The following KCNB2 variants were observed in gnomAD, a reference collection of about 807,000 sequenced individuals.
The protein encoded by KCNB2 is potassium voltage-gated channel subfamily B member 2.
Under a neutral mutation model 61.5 loss-of-function variants are expected in KCNB2, and 15 were observed. That is an observed-to-expected ratio of 0.24 (90% CI 0.16 to 0.38). The LOEUF (loss-of-function observed/expected upper bound fraction) is 0.38, where lower values mean the gene tolerates loss of function less well. Among genes scored for constraint, KCNB2 ranks in the 10% least tolerant of loss-of-function variants. The pLI, the probability that KCNB2 is intolerant of heterozygous loss-of-function variation, is 1.00. For synonymous variants in KCNB2, 457 were observed against 446.0 expected (o/e 1.02, Z -0.31); for missense variants, 828 against 1,125.2 (o/e 0.74, Z 3.78).
At chr8:72,875,387 G>C (rs1489915342) in intron 2 of KCNB2, among the ~76,000 whole-genome samples, 1 of 152,080 alleles carries the variant, frequency 6.6e-6, no homozygotes. Flanking sequence ...ACAAACACAG[G>C]ATCAGAATCT....
At chr8:72,762,882 A>AATATATATATATATATAT (rs10551590) in intron 2 of KCNB2, among the ~76,000 whole-genome samples, 45 of 141,604 alleles carry the variant, frequency 3.2e-4, no homozygotes, top group African/African-American at 1.0e-3. Flanking sequence ...CATATTAACA[A>AATATATATATATATATAT]ATATATATAT....
chr8:72,928,973 T>G (rs1322694735), intron 2 of KCNB2, among the ~76,000 whole-genome samples: 1 of 152,120 alleles, frequency 6.6e-6, no homozygotes, highest in Non-Finnish European at 1.5e-5. Context: ...CAATGCTGGC[T>G]AAAGGCATTT....
chr8:72,634,783 G>A (rs1805938682), intron 2 of KCNB2, among the ~76,000 whole-genome samples: 1 of 152,264 alleles, frequency 6.6e-6, no homozygotes, highest in East Asian at 1.9e-4. Flanking sequence ...GACAAGATTA[G>A]CATAAGAAGA....
At chr8:72,725,591 GTATATATATATATATA>G (rs60157669) in intron 2 of KCNB2, among the ~76,000 whole-genome samples, 17 of 51,952 alleles carry the variant, frequency 3.3e-4, no homozygotes, top group Admixed American at 6.7e-4. Flanking sequence ...ATATATGTAT[GTATATATATATATATA>G]TATATATATA....
intron 2 of KCNB2, among the ~76,000 whole-genome samples, chr8:72,860,285 A>G (rs1451428216): frequency 6.6e-6 from 1 of 151,976 alleles, no homozygotes; most frequent in African/African-American, 2.4e-5. Flanking sequence ...CCATCATTTT[A>G]CATTCCTACC....
At chr8:72,744,258 T>A (rs1161432824) in intron 2 of KCNB2, among the ~76,000 whole-genome samples, 1 of 152,144 alleles carries the variant, frequency 6.6e-6, no homozygotes, top group Non-Finnish European at 1.5e-5. Context: ...TTCATATGTG[T>A]ATGTGACTCA....
chr8:72,863,847 A>C (rs1033608292), intron 2 of KCNB2, among the ~76,000 whole-genome samples: 2 of 151,466 alleles, frequency 1.3e-5, no homozygotes, highest in Non-Finnish European at 3.0e-5. Flanking sequence ...TCGTCTCTAC[A>C]AAAAAAAATA....
At chr8:72,862,292 T>G (rs1805432340) in intron 2 of KCNB2, among the ~76,000 whole-genome samples, 1 of 152,222 alleles carries the variant, frequency 6.6e-6, no homozygotes, top group African/African-American at 2.4e-5. Context: ...TTTAATCTTT[T>G]TAATTAGTTA....
intron 2 of KCNB2, among the ~76,000 whole-genome samples, chr8:72,739,428 T>C (rs1281962027): frequency 6.6e-6 from 1 of 151,988 alleles, no homozygotes; most frequent in Non-Finnish European, 1.5e-5. Context: ...ATTGCTGGCA[T>C]AGGGTTAAAG....
chr8:72,623,189 G>C (rs1037801292), intron 2 of KCNB2, among the ~76,000 whole-genome samples: 1 of 152,198 alleles, frequency 6.6e-6, no homozygotes, highest in Non-Finnish European at 1.5e-5. Flanking sequence ...TTCTCTGGCT[G>C]TATTGATTGG....
intron 2 of KCNB2, among the ~76,000 whole-genome samples, chr8:72,928,681 G>C (rs908962759): frequency 4.2e-5 from 6 of 143,730 alleles, no homozygotes; most frequent in African/African-American, 7.7e-5. Context: ...CACACACACA[G>C]ACACACACAC....
chr8:72,848,307 T>G (rs975716273), intron 2 of KCNB2, among the ~76,000 whole-genome samples: 2 of 152,226 alleles, frequency 1.3e-5, no homozygotes, highest in Non-Finnish European at 2.9e-5. Context: ...CTTGAATTGT[T>G]GGCTTTGGTT....
chr8:72,870,628 A>G (rs1805601270), intron 2 of KCNB2, among the ~76,000 whole-genome samples: 1 of 152,194 alleles, frequency 6.6e-6, no homozygotes, highest in South Asian at 2.1e-4. Flanking sequence ...GCAAATTAAT[A>G]TATGTGAGTT....
intron 2 of KCNB2, among the ~76,000 whole-genome samples, chr8:72,600,665 G>A (rs911545834): frequency 6.6e-6 from 1 of 151,818 alleles, no homozygotes; most frequent in Non-Finnish European, 1.5e-5. Flanking sequence ...CCATAAAAAA[G>A]GATGAGATCA....
chr8:72,612,208 G>A (rs893045336), intron 2 of KCNB2, among the ~76,000 whole-genome samples: 2 of 152,004 alleles, frequency 1.3e-5, no homozygotes, highest in African/African-American at 4.8e-5. Flanking sequence ...CCTGACTATT[G>A]CCCCATTCCA....
intron 2 of KCNB2, among the ~76,000 whole-genome samples, chr8:72,921,338 A>G (rs894190607): frequency 6.6e-6 from 1 of 152,168 alleles, no homozygotes; most frequent in Non-Finnish European, 1.5e-5. Flanking sequence ...ATAACCCACC[A>G]ATGGATTGCT....
chr8:72,821,659 A>AAAAAAAAAAAAC lies in KCNB2; in HGVS notation c.580-114275_580-114274insAAAAAAAAAACA, dbSNP rs1554535735. Among the ~76,000 whole-genome samples the AAAAAAAAAAAAC allele has an allele frequency of 2.1e-4, 24 of 117,068 alleles. 2 individuals are homozygous for AAAAAAAAAAAAC. The highest frequency in any genetic ancestry group is 3.5e-4 in the South Asian group (1 of 2,860). The allele number at this position is 117,068 out of a possible 152,430, so 76.8% of individuals were successfully genotyped here. A position where few individuals can be genotyped will look rare whatever the true frequency, so the allele number is the denominator to read the frequency against. On this transcript the variant is annotated intron_variant, in intron 2 of 2. Transcript: ENST00000523207. ...AAAAAAACAAAAAAAAAAAAAAAAA[A>AAAAAAAAAAAAC]ACACACACACACCAAGCCCCCACAG... is the stretch of plus-strand genomic sequence containing the variant.
At chr8:72,646,036 T>C (rs2128986047) in intron 2 of KCNB2, among the ~76,000 whole-genome samples, 1 of 152,292 alleles carries the variant, frequency 6.6e-6, no homozygotes, top group South Asian at 2.1e-4. Flanking sequence ...TTTTAAAACA[T>C]GGATGAAAGA....
intron 2 of KCNB2, chr8:72,619,246 G>T: frequency 1.6e-6 from 1 of 608,882 alleles, no homozygotes. Flanking sequence ...AGTTTCAAGG[G>T]CGATGTGCTG....
Sources: gnomAD v4.1 joint callset for allele counts (sites outside exome capture counted in the v4.1 genomes callset) on GRCh38, gnomAD v4.1.1 for gene constraint, MANE v1.5 for transcripts, NCBI Gene and HGNC (gene_info 2026-07-23, HGNC 2026-07-21) for gene names.